LRFN5: variants seen among roughly 807,000 people sequenced by gnomAD.
LRFN5 encodes the protein leucine rich repeat and fibronectin type III domain containing 5.
LRFN5 carries 24 observed loss-of-function variants against 45.6 expected under a neutral mutation model. The ratio of observed to expected loss-of-function variants is 0.53; its 90% CI spans 0.38 to 0.74. The LOEUF is 0.74. LRFN5 is among the 30% of genes least tolerant of loss of function. The pLI is 0.00. For missense variants in LRFN5, 776 were observed against 861.5 expected (o/e 0.90, Z 1.24); for synonymous variants, 340 against 313.8 (o/e 1.08, Z -0.88).
intron 2 of LRFN5, among the ~76,000 whole-genome samples, chr14:41,773,331 C>T (rs61991871): frequency 0.015 from 2,274 of 152,242 alleles, 22 homozygotes; most frequent in Non-Finnish European, 0.021. Flanking sequence ...TCTTGGTCAG[C>T]CAAACCAGAT....
At chr14:41,627,757 G>A (rs1048681199) in intron 1 of LRFN5, among the ~76,000 whole-genome samples, 1 of 152,108 alleles carries the variant, frequency 6.6e-6, no homozygotes, top group Non-Finnish European at 1.5e-5. Context: ...GGCTAATTAT[G>A]TACATGAGTA....
chr14:41,769,215 A>C (rs1297061235), intron 2 of LRFN5, among the ~76,000 whole-genome samples: 1 of 152,184 alleles, frequency 6.6e-6, no homozygotes, highest in East Asian at 1.9e-4. Flanking sequence ...CTTAGAGTGA[A>C]ACAGTGAATG....
intron 1 of LRFN5, among the ~76,000 whole-genome samples, chr14:41,647,827 C>A (rs1248397873): frequency 6.6e-6 from 1 of 152,094 alleles, no homozygotes; most frequent in African/African-American, 2.4e-5. Flanking sequence ...TGGGAAAAAA[C>A]TGAGAGGACT....
chr14:41,669,983 G>GT (rs1185575997), intron 1 of LRFN5, among the ~76,000 whole-genome samples: 2 of 126,982 alleles, frequency 1.6e-5, no homozygotes, highest in African/African-American at 3.3e-5. Context: ...TAAAAATATA[G>GT]TTAAAAATAT....
chr14:41,731,795 TAAG>T (rs974236346), intron 1 of LRFN5: 1 of 152,184 alleles, frequency 6.6e-6, no homozygotes, highest in Admixed American at 6.6e-5. Context: ...ATTTACATGA[TAAG>T]GAGTTAGCTA....
chr14:41,740,039 T>C (rs1884624125), intron 1 of LRFN5, among the ~76,000 whole-genome samples: 1 of 151,914 alleles, frequency 6.6e-6, no homozygotes, highest in African/African-American at 2.4e-5. Context: ...GTAAGGAGAT[T>C]GAATCAACAA....
At chr14:41,893,148 A>G (rs151304848) in intron 4 of LRFN5, 1,132 of 983,980 alleles carry the variant, frequency 1.2e-3, no homozygotes, top group Non-Finnish European at 1.3e-3. Context: ...ATTTTAACCA[A>G]AAACTGTGAT....
intron 1 of LRFN5, among the ~76,000 whole-genome samples, chr14:41,730,330 A>T (rs1594652981): frequency 6.6e-6 from 1 of 152,206 alleles, no homozygotes; most frequent in Middle Eastern, 3.4e-3. Flanking sequence ...CAAAACAACC[A>T]TGTCTCTATT....
chr14:41,742,442 T>C (rs1359210892), intron 1 of LRFN5, among the ~76,000 whole-genome samples: 2 of 151,940 alleles, frequency 1.3e-5, no homozygotes, highest in South Asian at 2.1e-4. Context: ...CAGCCAGTCA[T>C]AGAAAGACAA....
intron 2 of LRFN5, among the ~76,000 whole-genome samples, chr14:41,786,904 G>C (rs1016130394): frequency 6.6e-6 from 1 of 151,786 alleles, no homozygotes; most frequent in Admixed American, 6.6e-5. Flanking sequence ...CTTCTACTGT[G>C]TCTACTCTGC....
intron 2 of LRFN5, among the ~76,000 whole-genome samples, chr14:41,791,581 T>G (rs894418031): frequency 2.0e-5 from 3 of 152,116 alleles, no homozygotes; most frequent in African/African-American, 7.2e-5. Context: ...AAGTAAAAAT[T>G]TCAAGACTGA....
chr14:41,828,615 G>A (rs1208176859), intron 2 of LRFN5, among the ~76,000 whole-genome samples: 1 of 151,856 alleles, frequency 6.6e-6, no homozygotes, highest in African/African-American at 2.4e-5. Flanking sequence ...TATGGCAACT[G>A]TCCATTTGTT....
chr14:41,886,724 T>C lies in LRFN5; in HGVS notation c.99T>C (p.Leu33=). 2 of 1,614,184 alleles carry C rather than the reference T, an allele frequency of 1.2e-6. No homozygotes were observed. Among genetic ancestry groups the C allele is most frequent in the Non-Finnish European group, 1.7e-6 (2 of 1,180,016 alleles). The change falls in exon 3 of 6, where the codon CTT becomes CTC. Residue 33 remains leucine, a synonymous_variant. Transcript: ENST00000298119. ...TCTGTCAGATTTTGTCTCCTAATCT[T>C]GCAACCCTTTGTGCCAAGAAAGGGC... is the stretch of plus-strand genomic sequence containing the variant. ...RCVCQILSPN[L]ATLCAKKGLL...
chr14:41,717,662 C>T (rs930187609), intron 1 of LRFN5, among the ~76,000 whole-genome samples: 12 of 152,126 alleles, frequency 7.9e-5, no homozygotes, highest in Non-Finnish European at 1.5e-4. Context: ...TGGTCAGACC[C>T]ATATTAAGGG....
rs183940545 is a variant in LRFN5 at position 41,736,441 on chromosome 14, T to C, written c.-196-30413T>C. Reference sequence around the variant, plus strand: ...GTCTGTTCACATCCTTTGCCCACTTTTTGATTTTTTTTCTTGTAAATTTGT... The same window carrying C: ...GTCTGTTCACATCCTTTGCCCACTTCTTGATTTTTTTTCTTGTAAATTTGT... On this transcript the variant is annotated intron_variant, in intron 1 of 5. Transcript: ENST00000298119. Among the ~76,000 whole-genome samples the C allele has an allele frequency of 5.9e-5, 9 of 152,332 alleles. No homozygotes were observed. The East Asian group carries it at 1.7e-3, about 29-fold the overall frequency.
At chr14:41,665,629 A>G (rs1037172317) in intron 1 of LRFN5, among the ~76,000 whole-genome samples, 3 of 152,038 alleles carry the variant, frequency 2.0e-5, no homozygotes, top group Admixed American at 1.3e-4. Flanking sequence ...CTATAATAGT[A>G]TCCTGTTTAG....
intron 2 of LRFN5, among the ~76,000 whole-genome samples, chr14:41,853,667 A>G (rs889925191): frequency 6.6e-6 from 1 of 152,110 alleles, no homozygotes; most frequent in African/African-American, 2.4e-5. Flanking sequence ...TGGAACTCAG[A>G]GGGGAAATCA....
At chr14:41,638,749 CAT>C (rs1487250259) in intron 1 of LRFN5, among the ~76,000 whole-genome samples, 1 of 151,946 alleles carries the variant, frequency 6.6e-6, no homozygotes, top group African/African-American at 2.4e-5. Context: ...GCTTTTATAA[CAT>C]AAACTAAATT....
chr14:41,802,661 C>A (rs1887377675), intron 2 of LRFN5, among the ~76,000 whole-genome samples: 3 of 152,088 alleles, frequency 2.0e-5, no homozygotes. Context: ...ATTTTACATG[C>A]AAACTGAAAA....
Sources: allele counts gnomAD v4.1 joint callset (sites outside exome capture counted in the v4.1 genomes callset), GRCh38; gene constraint gnomAD v4.1.1; transcripts MANE v1.5; gene names NCBI Gene and HGNC (gene_info 2026-07-23, HGNC 2026-07-21).